ZNF532: variants seen among roughly 807,000 people sequenced by gnomAD.
The protein encoded by ZNF532 is zinc finger protein 532.
In ZNF532, 22 loss-of-function variants were observed where a neutral mutation model predicts 89.3. The observed-to-expected ratio is 0.25, with a 90% CI of 0.18 to 0.35. The LOEUF (loss-of-function observed/expected upper bound fraction) is 0.35. Ranked by LOEUF, ZNF532 falls within the 10% of genes least tolerant of loss-of-function variation. ZNF532 has a pLI of 1.00. For missense variants in ZNF532, 1,132 were observed against 1,643.4 expected, an observed-to-expected ratio of 0.69 and a Z score of 5.38; for synonymous variants, 606 against 649.6, an observed-to-expected ratio of 0.93 and a Z score of 1.02.
intron 2 of ZNF532, among the ~76,000 whole-genome samples, chr18:58,870,406 C>G (rs932954903): frequency 3.3e-5 from 5 of 152,120 alleles, no homozygotes; most frequent in Non-Finnish European, 5.9e-5. Flanking sequence ...CAGTCAGAGC[C>G]TGGGAGAGCA....
intron 7 of ZNF532, among the ~76,000 whole-genome samples, chr18:58,962,238 AT>A (rs1415725181): frequency 2.0e-5 from 3 of 151,956 alleles, no homozygotes; most frequent in Admixed American, 6.6e-5. Context: ...AAAAAAAAAA[AT>A]GGATTCTAGG....
At chr18:58,923,173 A>T (rs1029288351) in intron 3 of ZNF532, among the ~76,000 whole-genome samples, 7 of 151,670 alleles carry the variant, frequency 4.6e-5, no homozygotes, top group Admixed American at 4.6e-4. Flanking sequence ...GCAGCCATCC[A>T]CTCACCTATG....
chr18:58,876,192 C>T lies in ZNF532; in HGVS notation c.-18+10613C>T, dbSNP rs527986109. 2.8e-4 allele frequency among the ~76,000 whole-genome samples: 42 copies of T among 152,214 alleles called. No homozygotes were observed. The South Asian group carries it at 8.3e-3, about 30-fold the overall frequency. On this transcript the variant is annotated intron_variant, in intron 2 of 9. Coordinates refer to ENST00000591808, the MANE Select transcript of ZNF532 (RefSeq NM_001375912.1). ...CTCGTGATCCGCCTGCCTCGGCCTCCCAAAGTGCTGGGATTACAGGCGTGA... is the reference window on the plus strand; with the variant it reads ...CTCGTGATCCGCCTGCCTCGGCCTCTCAAAGTGCTGGGATTACAGGCGTGA...
chr18:58,945,919 C>A (rs938604463), intron 5 of ZNF532, among the ~76,000 whole-genome samples: 1 of 151,992 alleles, frequency 6.6e-6, no homozygotes, highest in Admixed American at 6.6e-5. Flanking sequence ...TTAGTAGAGA[C>A]GGGGTTTGAC....
intron 6 of ZNF532, among the ~76,000 whole-genome samples, chr18:58,952,928 A>G (rs1435371416): frequency 6.6e-6 from 1 of 152,014 alleles, no homozygotes; most frequent in East Asian, 1.9e-4. Flanking sequence ...CCTGGCTGCC[A>G]TCAGTAAGAA....
chr18:58,981,704 A>G lies in ZNF532; in HGVS notation c.3411+87A>G, dbSNP rs948383426. 8 of 1,543,582 alleles carry G rather than the reference A, an allele frequency of 5.2e-6. No homozygotes were observed. In the Admixed American group the frequency reaches 7.6e-5, roughly 15 times the overall value. ...TTTTTTCCTTTCAAGTTTTTGTTGC[A>G]TAGTTACAGTTTTAAAAATTCAGAC... On this transcript the variant is annotated intron_variant, in intron 9 of 9. Coordinates refer to ENST00000591808, the MANE Select transcript of ZNF532 (RefSeq NM_001375912.1).
In ZNF532 at chr18:58,925,122, G is replaced by A. The variant is rs570596283; in HGVS notation, c.2346+4489G>A. On this transcript the variant is annotated intron_variant, in intron 3 of 9. Transcript: ENST00000591808. ...GTGGACATAAGTTTTTATTTCTCTG[G>A]GATAAATGCCTATTTATCATCAGAG... is the stretch of plus-strand genomic sequence containing the variant. 2.6e-5 allele frequency among the ~76,000 whole-genome samples: 4 copies of A among 151,942 alleles called. No individual in the cohort carries two copies. In the East Asian group the frequency reaches 7.7e-4, roughly 29 times the overall value.
chr18:58,898,058 A>G (rs569500922), intron 2 of ZNF532, among the ~76,000 whole-genome samples: 1 of 152,360 alleles, frequency 6.6e-6, no homozygotes, highest in Admixed American at 6.5e-5. Flanking sequence ...ACATAGATCA[A>G]AAAAATAGTA....
intron 4 of ZNF532, among the ~76,000 whole-genome samples, chr18:58,939,143 A>G (rs909357382): frequency 1.4e-5 from 2 of 146,252 alleles, no homozygotes; most frequent in Non-Finnish European, 3.0e-5. Context: ...GCTACTTGGG[A>G]GGCTGAGGCA....
chr18:58,940,696 C>T (rs1210892485), intron 5 of ZNF532, among the ~76,000 whole-genome samples: 1 of 152,184 alleles, frequency 6.6e-6, no homozygotes, highest in Non-Finnish European at 1.5e-5. Flanking sequence ...ATGGAGGGCT[C>T]TGTCAGCATT....
At chr18:58,977,786 G>A (rs537036156) in intron 7 of ZNF532, 1 of 152,182 alleles carries the variant, frequency 6.6e-6, no homozygotes, top group East Asian at 1.9e-4. Context: ...GGAGGCGGAG[G>A]TTGCAGAGCC....
At chr18:58,871,743 G>C (rs1392437869) in intron 2 of ZNF532, among the ~76,000 whole-genome samples, 4 of 152,326 alleles carry the variant, frequency 2.6e-5, no homozygotes, top group Non-Finnish European at 5.9e-5. Flanking sequence ...TTTGTATTTA[G>C]CCAGATTTTC....
chr18:58,984,592 T>C lies in ZNF532; in HGVS notation c.*126T>C. On this transcript the variant is annotated 3_prime_UTR_variant, in exon 10 of 10. Transcript: ENST00000591808. The stretch of plus-strand genomic sequence containing the variant: ...GCTGTTGCAATATATTCTCTTTCAA[T>C]GTACCTTCCTTCACCTCGTCGTATA... The C allele has an allele frequency of 1.7e-6, 2 of 1,191,932 alleles. No homozygotes were observed. The highest frequency in any genetic ancestry group is 2.3e-6 in the Non-Finnish European group (2 of 865,166). The allele number at this position is 1,191,932 out of a possible 1,614,324, so 73.8% of individuals were successfully genotyped here.
At chr18:58,894,467 CAAAA>C (rs149027291) in intron 2 of ZNF532, among the ~76,000 whole-genome samples, 6 of 77,868 alleles carry the variant, frequency 7.7e-5, no homozygotes, top group Admixed American at 2.3e-4. Flanking sequence ...GACTCCATCT[CAAAA>C]AAAAAAAAAA....
intron 5 of ZNF532, among the ~76,000 whole-genome samples, chr18:58,942,044 C>T (rs867644304): frequency 2.7e-5 from 4 of 145,896 alleles, no homozygotes; most frequent in South Asian, 2.4e-4. Context: ...CCCGCCCCCC[C>T]CTCAGTCTCG....
chr18:58,930,131 A>G (rs367677818), intron 3 of ZNF532, among the ~76,000 whole-genome samples: 39 of 152,258 alleles, frequency 2.6e-4, no homozygotes, highest in Middle Eastern at 3.4e-3. Context: ...CTCCCAGGCT[A>G]CTTTTCTGCC....
intron 2 of ZNF532, among the ~76,000 whole-genome samples, chr18:58,867,424 C>T (rs2056575304): frequency 6.6e-6 from 1 of 152,166 alleles, no homozygotes; most frequent in Admixed American, 6.6e-5. Flanking sequence ...GAGTCATGAG[C>T]TCATCTTGGA....
At chr18:58,901,429 C>T (rs1475688293) in intron 2 of ZNF532, among the ~76,000 whole-genome samples, 2 of 152,128 alleles carry the variant, frequency 1.3e-5, no homozygotes, top group East Asian at 3.9e-4. Flanking sequence ...GCAGAGGAGT[C>T]GCCTTGGGGA....
At chr18:58,948,646 C>T (rs1377983201) in intron 6 of ZNF532, among the ~76,000 whole-genome samples, 2 of 150,708 alleles carry the variant, frequency 1.3e-5, no homozygotes, top group Non-Finnish European at 2.9e-5. Context: ...CAGCTCACTG[C>T]AACCTCCGCC....
Sources: gnomAD v4.1 joint callset for allele counts (sites outside exome capture counted in the v4.1 genomes callset) on GRCh38, gnomAD v4.1.1 for gene constraint, MANE v1.5 for transcripts, NCBI Gene and HGNC (gene_info 2026-07-23, HGNC 2026-07-21) for gene names.